CADPS: variants seen among roughly 807,000 people sequenced by gnomAD.
The protein encoded by CADPS is calcium-dependent secretion activator 1.
CADPS carries 57 observed loss-of-function variants against 167.3 expected under a neutral mutation model. The observed-to-expected ratio is 0.34, with a 90% CI of 0.28 to 0.42. CADPS has a LOEUF of 0.42. Among genes scored for constraint, CADPS ranks in the 20% least tolerant of loss-of-function variants. The probability of loss-of-function intolerance (pLI) is 1.00; values close to 1 mark genes in which losing one functional copy is unlikely to be tolerated. For missense variants in CADPS, 1,414 were observed against 1,738.1 expected, an observed-to-expected ratio of 0.81 and a Z score of 3.32; for synonymous variants, 676 against 635.3, an observed-to-expected ratio of 1.06 and a Z score of -0.96.
At position 62,416,294 on chromosome 3, in the gene CADPS, T is replaced by G. The variant is rs372662590; in HGVS notation, c.3778-13109A>C. On this transcript the variant is annotated intron_variant, in intron 28 of 29. Coordinates refer to ENST00000383710, the MANE Select transcript of CADPS (RefSeq NM_003716.4). Reference sequence around the variant, plus strand: ...TTAACCACTGTTGTTTGCCTATTATTATGTGCTTTAATGCTCATGAGAGCA... The same window carrying G: ...TTAACCACTGTTGTTTGCCTATTATGATGTGCTTTAATGCTCATGAGAGCA... Among the ~76,000 whole-genome samples the G allele has an allele frequency of 2.8e-4, 42 of 152,334 alleles. No homozygotes were observed. The Middle Eastern group carries it at 0.01, about 37-fold the overall frequency.
At chr3:62,704,737 G>A (rs2082024724) in intron 3 of CADPS, among the ~76,000 whole-genome samples, 1 of 152,082 alleles carries the variant, frequency 6.6e-6, no homozygotes. Context: ...AGTATAAAAA[G>A]GTGCCATCAA....
intron 6 of CADPS, among the ~76,000 whole-genome samples, chr3:62,630,460 T>C (rs2065067114): frequency 6.6e-6 from 1 of 152,156 alleles, no homozygotes. Context: ...TGCATTCTTG[T>C]GCCTTAGCCT....
chr3:62,752,905 C>A (rs1272101296), intron 3 of CADPS, among the ~76,000 whole-genome samples: 1 of 152,200 alleles, frequency 6.6e-6, no homozygotes, highest in Non-Finnish European at 1.5e-5. Flanking sequence ...AAATACAAGC[C>A]CATTTTGGGG....
intron 9 of CADPS, among the ~76,000 whole-genome samples, chr3:62,566,591 A>T (rs2080255993): frequency 1.4e-5 from 1 of 72,798 alleles, no homozygotes; most frequent in Non-Finnish European, 4.8e-5. Flanking sequence ...AATAGGGGAG[A>T]AGAAAAAATG....
intron 18 of CADPS, among the ~76,000 whole-genome samples, chr3:62,495,711 A>T (rs2064607662): frequency 6.6e-6 from 1 of 152,228 alleles, no homozygotes; most frequent in Non-Finnish European, 1.5e-5. Context: ...ATACGTATAC[A>T]TAGAGAGAGA....
At chr3:62,738,712 G>A (rs559157935) in intron 3 of CADPS, among the ~76,000 whole-genome samples, 60 of 152,218 alleles carry the variant, frequency 3.9e-4, no homozygotes, top group Non-Finnish European at 7.4e-4. Flanking sequence ...GGCAACAAGA[G>A]TGAAACTCCG....
At chr3:62,416,681 G>A (rs1260877474) in intron 28 of CADPS, among the ~76,000 whole-genome samples, 4 of 152,130 alleles carry the variant, frequency 2.6e-5, no homozygotes, top group Admixed American at 2.6e-4. Flanking sequence ...TGCAGGAAAA[G>A]TTATGTTTCC....
At chr3:62,649,543 C>CTT (rs369874258) in intron 5 of CADPS, among the ~76,000 whole-genome samples, 2,237 of 37,774 alleles carry the variant, frequency 0.059, 364 homozygotes, top group Non-Finnish European at 0.075. Context: ...AATATGTGGT[C>CTT]TTTTTTTTTT....
chr3:62,525,677 T>TTGTGTGTGTGTG (rs1434165981), intron 13 of CADPS, among the ~76,000 whole-genome samples: 5 of 79,390 alleles, frequency 6.3e-5, no homozygotes, highest in African/African-American at 2.2e-4. Context: ...TGTAATGTCA[T>TTGTGTGTGTGTG]TATGTGTGTG....
chr3:62,514,286 T>C lies in CADPS; in HGVS notation c.2582-1518A>G, dbSNP rs2068497123. Among the ~76,000 whole-genome samples the C allele has an allele frequency of 6.6e-6, 1 of 152,062 alleles. No individual in the cohort carries two copies. Among genetic ancestry groups the C allele is most frequent in the African/African-American group, 2.4e-5 (1 of 41,432 alleles). On this transcript the variant is annotated intron_variant, in intron 16 of 29. Coordinates refer to ENST00000383710, the MANE Select transcript of CADPS (RefSeq NM_003716.4). This position sits in a 1 kb window ranked among gnomAD's most constrained non-coding sequence, Gnocchi z 4.2. ...ACTATGTTCATGAAAGAAAACCTGA[T>C]ACATGCAGCCAGAGGATGTTGGGTT...
rs1177231694 is a variant in CADPS at position 62,553,346 on chromosome 3, C to T, written c.1754-3231G>A. ...GAAGTTTTTATATTTTTAATCAATC[C>T]TCCCAACAGCCTTATGATGTAAGTA... On this transcript the variant is annotated intron_variant, in intron 10 of 29. Transcript: ENST00000383710. Among the ~76,000 whole-genome samples, 4 of 152,154 alleles carry T rather than the reference C, an allele frequency of 2.6e-5. No individual in the cohort carries two copies. In the East Asian group the frequency reaches 7.7e-4, roughly 29 times the overall value.
chr3:62,789,457 G>T (rs903162143), intron 1 of CADPS, among the ~76,000 whole-genome samples: 6 of 152,144 alleles, frequency 3.9e-5, no homozygotes, highest in Non-Finnish European at 8.8e-5. Context: ...ATTGAAAATG[G>T]CAGGCCTGTT....
At chr3:62,795,253 A>T (rs1203933898) in intron 1 of CADPS, among the ~76,000 whole-genome samples, 1 of 151,990 alleles carries the variant, frequency 6.6e-6, no homozygotes, top group Non-Finnish European at 1.5e-5. Flanking sequence ...TGAAATCACC[A>T]TCTCTAAGAG....
chr3:62,531,324 AC>A (rs773802747), intron 13 of CADPS, among the ~76,000 whole-genome samples: 1 of 152,062 alleles, frequency 6.6e-6, no homozygotes, highest in South Asian at 2.1e-4. Flanking sequence ...ATGCACAGAT[AC>A]CCCCCAGGTA....
intron 23 of CADPS, among the ~76,000 whole-genome samples, chr3:62,475,548 A>G (rs1319684307): frequency 2.1e-5 from 3 of 140,798 alleles, no homozygotes; most frequent in Non-Finnish European, 4.6e-5. Flanking sequence ...CAGAGAAGCC[A>G]AGTATAATTT....
At chr3:62,515,287 C>A (rs576210722) in intron 16 of CADPS, among the ~76,000 whole-genome samples, 1 of 152,008 alleles carries the variant, frequency 6.6e-6, no homozygotes, top group Non-Finnish European at 1.5e-5. Flanking sequence ...ACACTTACAC[C>A]ACTGGTCAAG....
chr3:62,798,753 C>T (rs186235), intron 1 of CADPS, among the ~76,000 whole-genome samples: 139,108 of 152,154 alleles, frequency 0.91, 63,659 homozygotes, highest in East Asian at 0.98. Flanking sequence ...TTAATCTTTC[C>T]ACATAGCTTC....
chr3:62,818,902 C>G (rs1257737999), intron 1 of CADPS, among the ~76,000 whole-genome samples: 1 of 152,122 alleles, frequency 6.6e-6, no homozygotes, highest in Non-Finnish European at 1.5e-5. Flanking sequence ...TAGTATTATT[C>G]TGAGTGGGAA....
At chr3:62,614,341 C>T (rs1163474026) in intron 6 of CADPS, among the ~76,000 whole-genome samples, 2 of 152,158 alleles carry the variant, frequency 1.3e-5, no homozygotes, top group East Asian at 3.9e-4. Context: ...ATGTTCAAGT[C>T]CCACTCTTAT....
Sources: allele counts gnomAD v4.1 joint callset (sites outside exome capture counted in the v4.1 genomes callset), GRCh38; gene constraint gnomAD v4.1.1; non-coding constraint Gnocchi (gnomAD v3.1); transcripts MANE v1.5; gene names NCBI Gene and HGNC (gene_info 2026-07-23, HGNC 2026-07-21).